The following LAMA3 variants were observed in gnomAD, a reference collection of about 807,000 sequenced individuals.
LAMA3 encodes the protein laminin subunit alpha-3.
Under a neutral mutation model 402.0 loss-of-function variants are expected in LAMA3, and 281 were observed. The ratio of observed to expected loss-of-function variants is 0.70; its 90% CI spans 0.63 to 0.77. The LOEUF (loss-of-function observed/expected upper bound fraction) is 0.77. Ranked by LOEUF, LAMA3 falls within the 30% of genes least tolerant of loss-of-function variation. The pLI, the probability that LAMA3 is intolerant of heterozygous loss-of-function variation, is 0.00. For synonymous variants in LAMA3, 1,431 were observed against 1,558.4 expected (o/e 0.92, Z 1.93); for missense variants, 3,840 against 4,215.5 (o/e 0.91, Z 2.47).
At chr18:23,902,545 G>T (rs2081107451) in intron 48 of LAMA3, among the ~76,000 whole-genome samples, 1 of 152,160 alleles carries the variant, frequency 6.6e-6, no homozygotes, top group South Asian at 2.1e-4. Flanking sequence ...ATTATGCCAA[G>T]GTAAGGGAGC....
At chr18:23,710,023 T>A in intron 1 of LAMA3, 1 of 767,390 alleles carries the variant, frequency 1.3e-6, no homozygotes, top group South Asian at 1.3e-5. Flanking sequence ...CTGTCTTCTA[T>A]CTTCTTCATG....
At chr18:23,743,299 C>T (rs1042240557) in intron 2 of LAMA3, among the ~76,000 whole-genome samples, 2 of 152,150 alleles carry the variant, frequency 1.3e-5, no homozygotes, top group Non-Finnish European at 2.9e-5. Flanking sequence ...AGATATCCCC[C>T]CCAGGGGAGT....
chr18:23,731,841 T>G (rs899714560), intron 2 of LAMA3, among the ~76,000 whole-genome samples: 1 of 152,158 alleles, frequency 6.6e-6, no homozygotes, highest in African/African-American at 2.4e-5. Flanking sequence ...GGATCTGTTG[T>G]ACCCTAGACC....
chr18:23,941,770 T>A (rs2082528930), intron 68 of LAMA3, among the ~76,000 whole-genome samples: 1 of 152,212 alleles, frequency 6.6e-6, no homozygotes, highest in South Asian at 2.1e-4. Flanking sequence ...TTTTGGGTGT[T>A]AGTCAGTTAG....
intron 1 of LAMA3, among the ~76,000 whole-genome samples, chr18:23,701,216 A>C (rs2060784507): frequency 1.3e-5 from 2 of 152,314 alleles, no homozygotes; most frequent in East Asian, 1.9e-4. Flanking sequence ...TTCCTCTCTG[A>C]TTTGGCCATG....
At chr18:23,748,102 C>A in intron 3 of LAMA3, 42 bp downstream of exon 3, 1 of 1,073,842 alleles carries the variant, frequency 9.3e-7, no homozygotes, top group Non-Finnish European at 1.5e-6. Flanking sequence ...GCTTTAATTA[C>A]TTGGAACAGA....
At chr18:23,710,599 G>T (rs1196850906) in intron 1 of LAMA3, among the ~76,000 whole-genome samples, 1 of 152,014 alleles carries the variant, frequency 6.6e-6, no homozygotes, top group Non-Finnish European at 1.5e-5. Flanking sequence ...TCCACAGTCT[G>T]ATTTCCTTTA....
chr18:23,907,716 G>A (rs559922934), intron 53 of LAMA3, 40 bp from the exon 54 acceptor site: 11 of 1,613,112 alleles, frequency 6.8e-6, no homozygotes, highest in East Asian at 6.7e-5. Flanking sequence ...TTTGTTGAAC[G>A]TTTTAGATAC....
intron 1 of LAMA3, among the ~76,000 whole-genome samples, chr18:23,690,758 G>GCC (rs111379338): frequency 1.4e-5 from 2 of 143,592 alleles, no homozygotes; most frequent in African/African-American, 5.1e-5. Flanking sequence ...CTACAGGCGT[G>GCC]CCCCCCCGTG....
At chr18:23,855,728 A>G (rs751531596) in intron 32 of LAMA3, among the ~76,000 whole-genome samples, 18 of 152,096 alleles carry the variant, frequency 1.2e-4, no homozygotes, top group African/African-American at 1.9e-4. Flanking sequence ...AGAGTTTACA[A>G]TCCACTGCAC....
intron 2 of LAMA3, among the ~76,000 whole-genome samples, chr18:23,723,512 TGCCTATATAA>T (rs897676593): frequency 2.6e-5 from 4 of 151,846 alleles, no homozygotes; most frequent in African/African-American, 9.7e-5. Flanking sequence ...AAAAAAAATG[TGCCTATATAA>T]GCAAAGAACA....
At chr18:23,730,150 C>A (rs1482615472) in intron 2 of LAMA3, among the ~76,000 whole-genome samples, 3 of 152,154 alleles carry the variant, frequency 2.0e-5, no homozygotes, top group Non-Finnish European at 4.4e-5. Flanking sequence ...AGCATAGGGG[C>A]AAATGTATGG....
At chr18:23,847,882 A>G (rs1177319256) in intron 32 of LAMA3, among the ~76,000 whole-genome samples, 5 of 152,240 alleles carry the variant, frequency 3.3e-5, no homozygotes. Flanking sequence ...ACAGATTACC[A>G]GTCATCTTGG....
At chr18:23,844,377 C>T (rs1057107400) in intron 29 of LAMA3, among the ~76,000 whole-genome samples, 6 of 152,178 alleles carry the variant, frequency 3.9e-5, no homozygotes, top group Admixed American at 2.6e-4. Flanking sequence ...TTGTTTGTTT[C>T]CCTTTAAAAA....
chr18:23,935,419 T>A (rs2082282473), intron 67 of LAMA3, among the ~76,000 whole-genome samples: 1 of 152,222 alleles, frequency 6.6e-6, no homozygotes, highest in South Asian at 2.1e-4. Flanking sequence ...GCTATTAATG[T>A]GGAAAACGTC....
intron 64 of LAMA3, 74 bp downstream of exon 64, chr18:23,928,839 A>G: frequency 7.3e-7 from 1 of 1,377,156 alleles, no homozygotes; most frequent in Middle Eastern, 1.8e-4. Flanking sequence ...CAACAGAGAG[A>G]TTTAGAAAGT....
intron 63 of LAMA3, 139 bp from the exon 64 acceptor site, chr18:23,928,486 A>C (rs1359816183): frequency 1.1e-6 from 1 of 940,832 alleles, no homozygotes; most frequent in Non-Finnish European, 1.7e-6. Context: ...CTTATTATGC[A>C]GAAAAGTAAG....
chr18:23,857,952 A>C lies in LAMA3; in HGVS notation c.4245A>C (p.Gly1415=). Residue 1415 remains glycine (G), a synonymous_variant, in exon 33 of 75, where the codon GGA becomes GGC. Transcript: ENST00000313654. ...CNCNRDGTEP[G]VCDPGTGACL... is the part of the protein sequence containing the mutation. ...GCAACAGAGATGGGACTGAGCCAGGAGTGTGTGACCCAGGGACCGGGGCTT... is the reference window on the plus strand; with the variant it reads ...GCAACAGAGATGGGACTGAGCCAGGCGTGTGTGACCCAGGGACCGGGGCTT... The C allele has an allele frequency of 6.2e-7, 1 of 1,614,112 alleles. No individual in the cohort carries two copies. Among genetic ancestry groups the C allele is most frequent in the Non-Finnish European group, 8.5e-7 (1 of 1,179,986 alleles).
At chr18:23,894,245 G>A in intron 42 of LAMA3, 53 bp from the exon 43 acceptor site, 1 of 1,400,592 alleles carries the variant, frequency 7.1e-7, no homozygotes, top group Non-Finnish European at 1.0e-6. Flanking sequence ...TTAAAGAGCA[G>A]ATGAAAAGTA....
Sources: allele counts gnomAD v4.1 joint callset (sites outside exome capture counted in the v4.1 genomes callset), GRCh38; gene constraint gnomAD v4.1.1; transcripts MANE v1.5; gene names NCBI Gene and HGNC (gene_info 2026-07-23, HGNC 2026-07-21).